ATG7: variants seen among roughly 807,000 people sequenced by gnomAD.
ATG7 encodes the protein ubiquitin-like modifier-activating enzyme ATG7.
Under a neutral mutation model 82.4 loss-of-function variants are expected in ATG7, and 70 were observed. The observed-to-expected ratio is 0.85, with a 90% CI of 0.70 to 1.04. The LOEUF (loss-of-function observed/expected upper bound fraction) is 1.04, where lower values mean the gene tolerates loss of function less well. ATG7 is among the 50% of genes least tolerant of loss of function. ATG7 has a pLI of 0.00. For missense variants in ATG7, 792 were observed against 864.3 expected, an observed-to-expected ratio of 0.92 and a Z score of 1.05; for synonymous variants, 287 against 313.0, an observed-to-expected ratio of 0.92 and a Z score of 0.88.
chr3:11,527,698 A>C (rs1676575575), intron 20 of ATG7, among the ~76,000 whole-genome samples: 1 of 152,254 alleles, frequency 6.6e-6, no homozygotes, highest in African/African-American at 2.4e-5. Flanking sequence ...TATCCTAGAA[A>C]GGATTTTAAC....
chr3:11,544,282 G>A (rs922006308), intron 20 of ATG7, among the ~76,000 whole-genome samples: 2 of 152,226 alleles, frequency 1.3e-5, no homozygotes, highest in Non-Finnish European at 2.9e-5. Flanking sequence ...GCACTTCCCT[G>A]TGGCCCTCTC....
At chr3:11,558,965 C>T (rs1211128175), downstream of ATG7, 36 of 1,050,370 alleles carry the variant, frequency 3.4e-5, no homozygotes, top group Non-Finnish European at 4.5e-5. Context: ...CAGAACCCAC[C>T]TCCCCCGGCT....
chr3:11,404,125 ATTTTTTTT>A (rs10591303), intron 19 of ATG7, among the ~76,000 whole-genome samples: 58 of 76,926 alleles, frequency 7.5e-4, no homozygotes, highest in Admixed American at 1.8e-3. Context: ...AACCAGCTCA[ATTTTTTTT>A]TTTTTTTTTT....
In ATG7 at chr3:11,358,602, G is replaced by A. The variant is rs1280895049; in HGVS notation, c.1469G>A (p.Ser490Asn). The A allele has an allele frequency of 3.7e-6, 6 of 1,612,952 alleles. No individual in the cohort carries two copies. The highest frequency in any genetic ancestry group is 5.1e-6 in the Non-Finnish European group (6 of 1,179,836). ...TGGCTTCCTGCCGTCATTGCTGCAAGCAAGAGAAAGGTAGGCCCTGTCTCT... is the reference window on the plus strand; with the variant it reads ...TGGCTTCCTGCCGTCATTGCTGCAAACAAGAGAAAGGTAGGCCCTGTCTCT... Reference protein sequence around the residue: ...SRWLPAVIAASKRKLVINAAL... With the variant: ...SRWLPAVIAANKRKLVINAAL... The change falls in exon 15 of 21, where the codon AGC (serine) becomes AAC (asparagine). Residue 490 changes from serine (S) to asparagine (N), a missense_variant. Transcript: ENST00000693202.
intron 19 of ATG7, among the ~76,000 whole-genome samples, chr3:11,416,702 A>G (rs2152925199): frequency 6.6e-6 from 1 of 152,162 alleles, no homozygotes; most frequent in African/African-American, 2.4e-5. Context: ...TTTCAGTGTC[A>G]TTGATTTCTC....
chr3:11,401,030 G>A (rs922235702), intron 19 of ATG7, among the ~76,000 whole-genome samples: 68 of 152,300 alleles, frequency 4.5e-4, no homozygotes, highest in African/African-American at 1.5e-3. Flanking sequence ...ATCCCAAGAT[G>A]TTGTGCTCCT....
intron 5 of ATG7, among the ~76,000 whole-genome samples, chr3:11,302,532 G>C (rs1946950941): frequency 6.6e-6 from 1 of 152,206 alleles, no homozygotes; most frequent in African/African-American, 2.4e-5. Flanking sequence ...AAAGACTTAT[G>C]AAATATGTTC....
chr3:11,363,874 A>G (rs1026689246), intron 17 of ATG7, among the ~76,000 whole-genome samples: 2 of 152,200 alleles, frequency 1.3e-5, no homozygotes, highest in Non-Finnish European at 2.9e-5. Flanking sequence ...TTGTGGTTGT[A>G]TATGTAACTA....
intron 20 of ATG7, among the ~76,000 whole-genome samples, chr3:11,533,946 G>A (rs1381975648): frequency 3.3e-5 from 5 of 152,186 alleles, no homozygotes; most frequent in African/African-American, 1.2e-4. Flanking sequence ...AAAACTTGGA[G>A]CGCATCTTGA....
At chr3:11,444,606 T>G (rs2084340301) in intron 20 of ATG7, among the ~76,000 whole-genome samples, 1 of 152,128 alleles carries the variant, frequency 6.6e-6, no homozygotes, top group African/African-American at 2.4e-5. Context: ...CCAAAACTAT[T>G]AAAACCCTGG....
intron 19 of ATG7, among the ~76,000 whole-genome samples, chr3:11,405,482 T>C (rs1026847313): frequency 4.6e-5 from 7 of 152,218 alleles, no homozygotes; most frequent in African/African-American, 1.7e-4. Context: ...TTTCCCCTTA[T>C]AGAAAGGATT....
intron 19 of ATG7, among the ~76,000 whole-genome samples, chr3:11,409,526 T>G (rs1209796997): frequency 6.6e-6 from 1 of 152,242 alleles, no homozygotes; most frequent in Non-Finnish European, 1.5e-5. Context: ...AAATGCATTT[T>G]ATATTTAGGG....
At chr3:11,354,404 C>T (rs2075782534) in intron 14 of ATG7, among the ~76,000 whole-genome samples, 1 of 152,122 alleles carries the variant, frequency 6.6e-6, no homozygotes, top group African/African-American at 2.4e-5. Flanking sequence ...AATCCCAGTG[C>T]TTTGGGAGGC....
intron 19 of ATG7, among the ~76,000 whole-genome samples, chr3:11,401,782 A>G (rs905334750): frequency 3.3e-5 from 5 of 152,194 alleles, no homozygotes; most frequent in East Asian, 1.9e-4. Context: ...CCTACAGACT[A>G]TAAGCTCTAA....
intron 3 of ATG7, among the ~76,000 whole-genome samples, chr3:11,286,591 T>C (rs923478452): frequency 2.5e-3 from 307 of 122,830 alleles, no homozygotes; most frequent in Middle Eastern, 8.2e-3. Context: ...TTCTTTTTTT[T>C]TTTTTTTTTT....
chr3:11,564,270 T>C, the ATG7 span, among the ~76,000 whole-genome samples: 1 of 152,188 alleles, frequency 6.6e-6, no homozygotes, highest in Non-Finnish European at 1.5e-5. Context: ...AAAAAATCCC[T>C]ATGTACCAAT....
In ATG7 at chr3:11,540,294, GACA is replaced by G. The variant is rs549938740; in HGVS notation, c.2080-14513_2080-14511del. Among the ~76,000 whole-genome samples the G allele has an allele frequency of 2.9e-3, 435 of 152,232 alleles. 3 individuals are homozygous for G. The highest frequency in any genetic ancestry group is 9.3e-3 in the African/African-American group (387 of 41,526). ...ATGGCTTTTATTGTAGTTCTCTGATGACAACATCTTTCCCGCATCTCTGATGGG... is the reference window on the plus strand; with the variant it reads ...ATGGCTTTTATTGTAGTTCTCTGATGACATCTTTCCCGCATCTCTGATGGG... On this transcript the variant is annotated intron_variant, in intron 20 of 20. Coordinates refer to ENST00000693202, the MANE Select transcript of ATG7 (RefSeq NM_001349232.2).
intron 20 of ATG7, among the ~76,000 whole-genome samples, chr3:11,502,576 A>G (rs2091421849): frequency 6.6e-6 from 1 of 151,702 alleles, no homozygotes; most frequent in South Asian, 2.1e-4. Flanking sequence ...ATGGCTGCAT[A>G]GTATTCCATG....
chr3:11,439,823 G>T (rs577478957), intron 20 of ATG7, among the ~76,000 whole-genome samples: 22 of 152,298 alleles, frequency 1.4e-4, no homozygotes, highest in African/African-American at 5.3e-4. Context: ...ACCAAGAGAG[G>T]TATAGCAACT....
Sources: gnomAD v4.1 joint callset for allele counts (sites outside exome capture counted in the v4.1 genomes callset) on GRCh38, gnomAD v4.1.1 for gene constraint, MANE v1.5 for transcripts, NCBI Gene and HGNC (gene_info 2026-07-23, HGNC 2026-07-21) for gene names.